CACNA1C: variants seen among roughly 807,000 people sequenced by gnomAD.
The protein encoded by CACNA1C is calcium voltage-gated channel subunit alpha1 C, also known as voltage-dependent L-type calcium channel subunit alpha-1C.
Under a neutral mutation model 229.0 loss-of-function variants are expected in CACNA1C, and 30 were observed. The ratio of observed to expected loss-of-function variants is 0.13; its 90% confidence interval spans 0.10 to 0.18. The LOEUF (loss-of-function observed/expected upper bound fraction) is 0.18. Among genes scored for constraint, CACNA1C ranks in the 10% least tolerant of loss-of-function variants. The probability of loss-of-function intolerance (pLI) is 1.00; values close to 1 mark genes in which losing one functional copy is unlikely to be tolerated. For missense variants in CACNA1C, 1,658 were observed against 2,845.0 expected, an observed-to-expected ratio of 0.58 and a Z score of 9.49; for synonymous variants, 1,114 against 1,132.5, an observed-to-expected ratio of 0.98 and a Z score of 0.33.
intron 29 of CACNA1C, chr12:2,613,238 A>C (rs1413453208): frequency 2.0e-5 from 3 of 152,144 alleles, no homozygotes; most frequent in African/African-American, 7.2e-5. Context: ...CATTCTCAAA[A>C]CGTCCCTTTA....
In CACNA1C at chr12:2,101,953, T is replaced by C. The variant is rs73603746; in HGVS notation, c.50-13271T>C. Among the ~76,000 whole-genome samples, 900 of 152,260 alleles carry C rather than the reference T, an allele frequency of 5.9e-3. 10 individuals are homozygous for C. Among genetic ancestry groups the C allele is most frequent in the African/African-American group, 0.02 (845 of 41,548 alleles). Reference sequence around the variant, plus strand: ...ACCAAAGTCCAAGTAATTACTATTATGGGGAAAAAAGCCTTGGGACAGTTA... The same window carrying C: ...ACCAAAGTCCAAGTAATTACTATTACGGGGAAAAAAGCCTTGGGACAGTTA... On this transcript the variant is annotated intron_variant, in intron 1 of 46. Transcript: ENST00000399655.
At chr12:2,675,542 C>G (rs1397237367) in intron 39 of CACNA1C, among the ~76,000 whole-genome samples, 4 of 152,108 alleles carry the variant, frequency 2.6e-5, no homozygotes, top group African/African-American at 9.7e-5. Context: ...ACCCACACAC[C>G]CTAAAGAGCA....
At chr12:2,073,670 C>T (rs936287445) in intron 1 of CACNA1C, among the ~76,000 whole-genome samples, 1 of 152,228 alleles carries the variant, frequency 6.6e-6, no homozygotes, top group African/African-American at 2.4e-5. Flanking sequence ...TTTGTCTTCC[C>T]TCTGAAGTAT....
At chr12:2,227,220 A>G (rs573467449) in intron 3 of CACNA1C, among the ~76,000 whole-genome samples, 4 of 152,336 alleles carry the variant, frequency 2.6e-5, no homozygotes, top group Non-Finnish European at 5.9e-5. Flanking sequence ...ACTTTCTGGA[A>G]AAATGGTTCT....
At chr12:2,468,080 T>G (rs1317004687) in intron 5 of CACNA1C, among the ~76,000 whole-genome samples, 1 of 152,236 alleles carries the variant, frequency 6.6e-6, no homozygotes, top group African/African-American at 2.4e-5. Context: ...AGTGAGCTGA[T>G]GGACACAGTA....
At chr12:2,185,340 C>T (rs1456355924) in intron 3 of CACNA1C, among the ~76,000 whole-genome samples, 1 of 152,190 alleles carries the variant, frequency 6.6e-6, no homozygotes, top group Non-Finnish European at 1.5e-5. Flanking sequence ...CCCACCACGC[C>T]CTCAGGGCCT....
rs546305387 is a variant in CACNA1C, at chr12:2,426,643, G to C, written c.478-22333G>C. Among the ~76,000 whole-genome samples, 77 of 152,362 alleles carry C rather than the reference G, an allele frequency of 5.1e-4. 1 individual carries two copies. The South Asian group carries it at 0.015, about 30-fold the overall frequency. On this transcript the variant is annotated intron_variant, in intron 3 of 46. Coordinates refer to ENST00000399655, the MANE Select transcript of CACNA1C (RefSeq NM_000719.7). ...CCATTTATTAACTTACATTTCTGCA[G>C]GTTGGTAATCTGGATTGGCTCAGTT...
chr12:2,130,524 A>T (rs1171848765), intron 3 of CACNA1C, among the ~76,000 whole-genome samples: 1 of 124,250 alleles, frequency 8.0e-6, no homozygotes, highest in Non-Finnish European at 1.7e-5. Context: ...TCATTGTTCA[A>T]TTCCCACCTA....
intron 3 of CACNA1C, among the ~76,000 whole-genome samples, chr12:2,344,745 C>A (rs1182618304): frequency 1.3e-5 from 2 of 151,874 alleles, no homozygotes; most frequent in African/African-American, 4.8e-5. Flanking sequence ...GCCCAATGCC[C>A]CATGTAGCAC....
chr12:2,455,987 CT>C (rs764008991), intron 4 of CACNA1C, among the ~76,000 whole-genome samples: 4 of 152,208 alleles, frequency 2.6e-5, no homozygotes, highest in Non-Finnish European at 4.4e-5. Context: ...AACTGCTGCG[CT>C]TTTGTCTCCA....
intron 3 of CACNA1C, among the ~76,000 whole-genome samples, chr12:2,200,881 CA>C (rs1451031216): frequency 6.6e-6 from 1 of 152,072 alleles, no homozygotes; most frequent in Non-Finnish European, 1.5e-5. Context: ...GAAAACTTTC[CA>C]AAGGTTCTGA....
At chr12:2,335,512 G>A (rs532843501) in intron 3 of CACNA1C, among the ~76,000 whole-genome samples, 60 of 152,190 alleles carry the variant, frequency 3.9e-4, no homozygotes, top group Admixed American at 1.3e-3. Flanking sequence ...ACCTTTCCAC[G>A]GGTGGCAGCC....
At chr12:2,317,971 G>A (rs1470206323) in intron 3 of CACNA1C, among the ~76,000 whole-genome samples, 1 of 152,190 alleles carries the variant, frequency 6.6e-6, no homozygotes, top group Non-Finnish European at 1.5e-5. Flanking sequence ...GAGAAGCTCC[G>A]GGAGCCAGGC....
intron 3 of CACNA1C, among the ~76,000 whole-genome samples, chr12:2,435,986 G>A (rs949277149): frequency 6.6e-6 from 1 of 152,210 alleles, no homozygotes; most frequent in Non-Finnish European, 1.5e-5. Context: ...CACCCTCCCA[G>A]GGGAGGAGAA....
chr12:2,012,324 A>G (rs1437685630), intron 1 of CACNA1C, among the ~76,000 whole-genome samples: 1 of 152,208 alleles, frequency 6.6e-6, no homozygotes, highest in African/African-American at 2.4e-5. Flanking sequence ...GACAAATTAC[A>G]GCTCACAGGC....
At position 2,585,309 on chromosome 12, in the gene CACNA1C, C is replaced by T; in HGVS notation, c.2340-67C>T. 6.6e-7 allele frequency: 1 copy of T among 1,521,498 alleles called. No individual in the cohort carries two copies. Among genetic ancestry groups the T allele is most frequent in the East Asian group, 2.3e-5 (1 of 43,078 alleles). The allele number at this position is 1,521,498 out of a possible 1,614,324, so 94.2% of individuals were successfully genotyped here. ...GCCCCAACAGGCCACAGGGCGGTTCCCTCCTACACTGTTCCCTATCACTCC... is the reference window on the plus strand; with the variant it reads ...GCCCCAACAGGCCACAGGGCGGTTCTCTCCTACACTGTTCCCTATCACTCC... On this transcript the variant is annotated intron_variant, in intron 16 of 46. Coordinates refer to ENST00000399655, the MANE Select transcript of CACNA1C (RefSeq NM_000719.7). This position sits in a 1 kb window ranked among gnomAD's most constrained non-coding sequence, Gnocchi z 4.1.
chr12:2,270,480 A>G (rs570637263), intron 3 of CACNA1C, among the ~76,000 whole-genome samples: 18 of 152,302 alleles, frequency 1.2e-4, no homozygotes, highest in African/African-American at 4.1e-4. Flanking sequence ...AGGCTTTTGA[A>G]TTGGTCAAGG....
chr12:1,991,697 G>A (rs1593219519), intron 1 of CACNA1C: 1 of 160,644 alleles, frequency 6.2e-6, no homozygotes. Flanking sequence ...CAAGGTGTAT[G>A]TTTATTAGAT....
chr12:2,253,758 C>T (rs566485873), intron 3 of CACNA1C, among the ~76,000 whole-genome samples: 5 of 152,326 alleles, frequency 3.3e-5, no homozygotes, highest in South Asian at 4.1e-4. Context: ...GTTTAAGTAG[C>T]GCTTACCACT....
Sources: allele counts gnomAD v4.1 joint callset (sites outside exome capture counted in the v4.1 genomes callset), GRCh38; gene constraint gnomAD v4.1.1; non-coding constraint Gnocchi (gnomAD v3.1); transcripts MANE v1.5; gene names NCBI Gene and HGNC (gene_info 2026-07-23, HGNC 2026-07-21).